USP24: variants seen among roughly 807,000 people sequenced by gnomAD.
The protein encoded by USP24 is ubiquitin carboxyl-terminal hydrolase 24.
USP24 carries 97 observed loss-of-function variants against 361.6 expected under a neutral mutation model. The ratio of observed to expected loss-of-function variants is 0.27; its 90% CI spans 0.23 to 0.32. The LOEUF is 0.32. Ranked by LOEUF, USP24 falls within the 10% of genes least tolerant of loss-of-function variation. The pLI, the probability that USP24 is intolerant of heterozygous loss-of-function variation, is 1.00. For missense variants in USP24, 2,353 were observed against 3,165.6 expected (o/e 0.74, Z 6.16); for synonymous variants, 1,098 against 1,124.6 (o/e 0.98, Z 0.47).
intron 1 of USP24, among the ~76,000 whole-genome samples, chr1:55,185,525 TTAA>T (rs1422278173): frequency 1.3e-5 from 2 of 152,126 alleles, no homozygotes; most frequent in African/African-American, 4.8e-5. Context: ...GGATTCAAAT[TTAA>T]TAATAAGAAT....
intron 1 of USP24, among the ~76,000 whole-genome samples, chr1:55,211,972 CTCT>C (rs1173294791): frequency 1.3e-5 from 2 of 152,120 alleles, no homozygotes; most frequent in African/African-American, 4.8e-5. Flanking sequence ...AGTTTTTTTA[CTCT>C]TCTTCCTTCC....
intron 38 of USP24, among the ~76,000 whole-genome samples, chr1:55,114,232 G>C (rs1004594080): frequency 6.6e-6 from 1 of 152,188 alleles, no homozygotes; most frequent in African/African-American, 2.4e-5. Context: ...ACTGCTCAAG[G>C]AAATAAGAGA....
At chr1:55,131,054 C>A (rs754205420) in intron 31 of USP24, among the ~76,000 whole-genome samples, 4 of 152,090 alleles carry the variant, frequency 2.6e-5, no homozygotes, top group Non-Finnish European at 4.4e-5. Flanking sequence ...CATTGTTGGA[C>A]CATTCTGTTT....
At chr1:55,142,105 T>C (rs1557625940) in intron 23 of USP24, among the ~76,000 whole-genome samples, 1 of 152,200 alleles carries the variant, frequency 6.6e-6, no homozygotes, top group East Asian at 1.9e-4. Flanking sequence ...AGCACATATT[T>C]ATCACCAGAA....
At chr1:55,090,928 T>C (rs2100466734) in intron 54 of USP24, among the ~76,000 whole-genome samples, 1 of 152,202 alleles carries the variant, frequency 6.6e-6, no homozygotes, top group East Asian at 1.9e-4. Flanking sequence ...CTACTAAAAA[T>C]ACAAAAATTT....
intron 55 of USP24, chr1:55,086,399 G>C (rs1025527650): frequency 3.1e-4 from 80 of 257,116 alleles, no homozygotes; most frequent in Admixed American, 2.1e-3. Flanking sequence ...CAGAATATGG[G>C]GAGCTCTACA....
chr1:55,082,682 G>T (rs1487547937), intron 58 of USP24, among the ~76,000 whole-genome samples: 1 of 152,076 alleles, frequency 6.6e-6, no homozygotes, highest in African/African-American at 2.4e-5. Flanking sequence ...GCTACCAGGG[G>T]GCTGAGGAGG....
chr1:55,104,151 C>A (rs1645712871), intron 41 of USP24, 131 bp from the exon 42 acceptor site: 12 of 1,105,640 alleles, frequency 1.1e-5, no homozygotes, highest in Non-Finnish European at 1.5e-5. Context: ...CAGGTCTAAC[C>A]CCAGACATCC....
At chr1:55,115,495 CAA>C (rs1165658382) in intron 38 of USP24, among the ~76,000 whole-genome samples, 758 of 45,822 alleles carry the variant, frequency 0.017, 7 homozygotes, top group African/African-American at 0.049. Context: ...GACTCCGCCT[CAA>C]AAAAAAAAAA....
At chr1:55,104,288 A>G (rs1302976726) in intron 41 of USP24, among the ~76,000 whole-genome samples, 1 of 152,156 alleles carries the variant, frequency 6.6e-6, no homozygotes, top group Non-Finnish European at 1.5e-5. Flanking sequence ...GCAAGAATGG[A>G]GGAGAAAGAG....
intron 44 of USP24, among the ~76,000 whole-genome samples, chr1:55,100,439 T>C (rs1432588790): frequency 6.6e-6 from 1 of 150,814 alleles, no homozygotes; most frequent in Non-Finnish European, 1.5e-5. Flanking sequence ...GAGGTTGTGG[T>C]GAGCCAAGAT....
At chr1:55,121,543 CAAGTT>C (rs1557592931) in intron 36 of USP24, 37 bp from the exon 37 acceptor site, 2 of 1,566,768 alleles carry the variant, frequency 1.3e-6, no homozygotes, top group South Asian at 2.3e-5. Context: ...GTGTGTGAAA[CAAGTT>C]AGGTAATGCA....
intron 1 of USP24, among the ~76,000 whole-genome samples, chr1:55,200,413 C>A (rs1379020253): frequency 1.3e-5 from 2 of 152,192 alleles, no homozygotes; most frequent in African/African-American, 4.8e-5. Flanking sequence ...AAAGCAGGGG[C>A]TGTATCTCAG....
In USP24 at chr1:55,068,129, G is replaced by A. The variant is rs912527973; in HGVS notation, c.*916C>T. 7 of 152,164 alleles carry A rather than the reference G, an allele frequency of 4.6e-5. No individual in the cohort carries two copies. Among genetic ancestry groups the A allele is most frequent in the Non-Finnish European group, 1.0e-4 (7 of 68,028 alleles). 9.4% of individuals were successfully genotyped at this position (152,164 alleles called of 1,614,324 possible). ...AATTATGTTTTAAGCAAAAGCAAACGATTGCAGATCACATGATTTAAGACT... is the reference window on the plus strand; with the variant it reads ...AATTATGTTTTAAGCAAAAGCAAACAATTGCAGATCACATGATTTAAGACT... On this transcript the variant is annotated 3_prime_UTR_variant, in exon 68 of 68. Transcript: ENST00000294383.
chr1:55,128,974 C>T (rs1404860026), intron 32 of USP24, among the ~76,000 whole-genome samples: 1 of 152,214 alleles, frequency 6.6e-6, no homozygotes, highest in South Asian at 2.1e-4. Flanking sequence ...CCTGCCTCAG[C>T]CCCTGAAAGT....
intron 20 of USP24, among the ~76,000 whole-genome samples, chr1:55,144,817 C>T (rs544838091): frequency 6.8e-4 from 103 of 152,122 alleles, no homozygotes; most frequent in Middle Eastern, 3.4e-3. Flanking sequence ...GCCTATAATC[C>T]CAGCTACTCG....
In USP24 at chr1:55,214,800, A is replaced by C; in HGVS notation, c.314T>G (p.Val105Gly). The stretch of plus-strand genomic sequence containing the variant: ...GTTGCCCCTCCTCACCTCCGCGTCC[A>C]CCACCTCGTGGTAGGCGGGCGGGGG... ...FDPPPAYHEV[V>G]DAEKNDENGN... Residue 105 changes from valine (V) to glycine (G), a missense_variant, in exon 1 of 68, where the codon GTG becomes GGG. Physicochemically the swap from Val to Gly is moderately radical, Grantham distance 109. Around this residue, in one of 8 missense-constraint regions of USP24, gnomAD observed 253 missense variants for 255.3 expected, o/e 0.99. Transcript: ENST00000294383. 1.6e-6 allele frequency: 2 copies of C among 1,220,056 alleles called. No homozygotes were observed. The highest frequency in any genetic ancestry group is 2.1e-6 in the Non-Finnish European group (2 of 970,936). 75.6% of individuals were successfully genotyped at this position (1,220,056 alleles called of 1,614,324 possible).
intron 38 of USP24, among the ~76,000 whole-genome samples, chr1:55,110,680 CAG>C (rs1342301301): frequency 6.6e-6 from 1 of 151,996 alleles, no homozygotes; most frequent in Non-Finnish European, 1.5e-5. Context: ...AGAAGAAAAA[CAG>C]AGCAGAGTAA....
chr1:55,094,783 G>A (rs1479541038), intron 51 of USP24, among the ~76,000 whole-genome samples: 1 of 149,480 alleles, frequency 6.7e-6, no homozygotes, highest in Admixed American at 6.7e-5. Flanking sequence ...AGTATTGCTT[G>A]AGCCCAGGAG....
Sources: gnomAD v4.1 joint callset for allele counts (sites outside exome capture counted in the v4.1 genomes callset) on GRCh38, gnomAD v4.1.1 for gene constraint, gnomAD v4.1.1 regional missense constraint, MANE v1.5 for transcripts, NCBI Gene and HGNC (gene_info 2026-07-23, HGNC 2026-07-21) for gene names.